The following GTPBP1 variants were observed in gnomAD, a reference collection of about 807,000 sequenced individuals.
GTPBP1 encodes the protein GTP-binding protein 1.
GTPBP1 carries 23 observed loss-of-function variants against 62.0 expected under a neutral mutation model. The ratio of observed to expected loss-of-function variants is 0.37; its 90% CI spans 0.27 to 0.53. GTPBP1 has a LOEUF of 0.53. Among genes scored for constraint, GTPBP1 ranks in the 20% least tolerant of loss-of-function variants. The pLI, the probability that GTPBP1 is intolerant of heterozygous loss-of-function variation, is 0.89. For synonymous variants in GTPBP1, 344 were observed against 364.4 expected, an observed-to-expected ratio of 0.94 and a Z score of 0.64; for missense variants, 640 against 917.3, an observed-to-expected ratio of 0.70 and a Z score of 3.90.
chr22:38,728,183 C>T (rs1474307361), intron 10 of GTPBP1, 22 bp downstream of exon 10: 6 of 1,587,216 alleles, frequency 3.8e-6, no homozygotes, highest in Admixed American at 1.7e-5. Flanking sequence ...ACAGACCTTG[C>T]CTGCCTCCAG....
In GTPBP1 at chr22:38,716,598, C is replaced by T; in HGVS notation, c.486-54C>T. 2 of 1,307,876 alleles carry T rather than the reference C, an allele frequency of 1.5e-6. No individual in the cohort carries two copies. Among genetic ancestry groups the T allele is most frequent in the Non-Finnish European group, 1.1e-6 (1 of 926,286 alleles). The allele number at this position is 1,307,876 out of a possible 1,614,324, so 81.0% of individuals were successfully genotyped here. A position where few individuals can be genotyped will look rare whatever the true frequency, so the allele number is the denominator to read the frequency against. On this transcript the variant is annotated intron_variant, in intron 3 of 11. Coordinates refer to ENST00000216044, the MANE Select transcript of GTPBP1 (RefSeq NM_004286.5). The surrounding 1 kb of genome is among the most constrained non-coding windows in gnomAD (Gnocchi z 5.2). ...ATTACTGGGGTTATGATGGTCGCTC[C>T]ACCTCACTCATTCACTAACTCTCAC...
Position 38,716,365 on chromosome 22 carries a change from G to T in GTPBP1, c.485+278G>T. ...GCCTGGAAACCAGGGTCATGGAGAA[G>T]AGCCTTTTGTGCCTCTGGTAGCCTT... On this transcript the variant is annotated intron_variant, in intron 3 of 11. Coordinates refer to ENST00000216044, the MANE Select transcript of GTPBP1 (RefSeq NM_004286.5). The surrounding 1 kb of genome is among the most constrained non-coding windows in gnomAD (Gnocchi z 5.2). 3.4e-6 allele frequency: 2 copies of T among 586,432 alleles called. No individual in the cohort carries two copies. Among genetic ancestry groups the T allele is most frequent in the Non-Finnish European group, 6.0e-6 (2 of 330,810 alleles). The allele number at this position is 586,432 out of a possible 1,614,324, so 36.3% of individuals were successfully genotyped here. A position where few individuals can be genotyped will look rare whatever the true frequency, so the allele number is the denominator to read the frequency against.
At position 38,726,855 on chromosome 22, in the gene GTPBP1, T is replaced by TAA. The variant is rs750108023; in HGVS notation, c.1402-356_1402-355dup. On this transcript the variant is annotated intron_variant, in intron 8 of 11. Coordinates refer to ENST00000216044, the MANE Select transcript of GTPBP1 (RefSeq NM_004286.5). This position sits in a 1 kb window ranked among gnomAD's most constrained non-coding sequence, Gnocchi z 4.1. ...GGGTCACCTACCTTTACCCACCAAC[T>TAA]AAATTAACCAGGAATAGTAGGACTT... is the stretch of plus-strand genomic sequence containing the variant. 4.9e-4 allele frequency among the ~76,000 whole-genome samples: 74 copies of TAA among 152,296 alleles called. No individual in the cohort carries two copies. Among genetic ancestry groups the TAA allele is most frequent in the South Asian group, 8.3e-4 (4 of 4,822 alleles).
rs529806114 is a variant in GTPBP1 at position 38,725,024 on chromosome 22, A to G, written c.1073+613A>G. On this transcript the variant is annotated intron_variant, in intron 6 of 11. Coordinates refer to ENST00000216044, the MANE Select transcript of GTPBP1 (RefSeq NM_004286.5). ...CTTGGTGAGAGATGCTCTCTCGATA[A>G]TGGTGAACTCTACTAACTCTGCCTG... Among the ~76,000 whole-genome samples, 7 of 152,268 alleles carry G rather than the reference A, an allele frequency of 4.6e-5. No individual in the cohort carries two copies. The East Asian group carries it at 5.8e-4, about 13-fold the overall frequency.
rs1332069260 is a variant in GTPBP1, at chr22:38,726,326, G to A, written c.1287G>A (p.Leu429=). Residue 429 remains leucine (L), a synonymous_variant, in exon 8 of 12, where the codon CTG becomes CTA. Coordinates refer to ENST00000216044, the MANE Select transcript of GTPBP1 (RefSeq NM_004286.5). The surrounding 1 kb of genome is among the most constrained non-coding windows in gnomAD (Gnocchi z 4.1). ...TCAAGCTGAATGACACGCTGCTGCT[G>A]GGCCCAGACCCCTTGGGTAACTTCC... ...GLIKLNDTLL[L]GPDPLGNFLS... is the part of the protein sequence containing the mutation. 6.2e-7 allele frequency: 1 copy of A among 1,614,106 alleles called. No individual in the cohort carries two copies. The highest frequency in any genetic ancestry group is 1.1e-5 in the South Asian group (1 of 91,078).
chr22:38,715,493 G>T (rs573213049), intron 2 of GTPBP1, among the ~76,000 whole-genome samples: 28 of 152,242 alleles, frequency 1.8e-4, no homozygotes, highest in African/African-American at 6.5e-4. Context: ...AACTGTCCTC[G>T]GCTTCCCCAG....
At chr22:38,713,776 A>G (rs2082370797) in intron 2 of GTPBP1, among the ~76,000 whole-genome samples, 1 of 152,192 alleles carries the variant, frequency 6.6e-6, no homozygotes, top group Admixed American at 6.5e-5. Flanking sequence ...CTTTATTAAC[A>G]TTGTTAGTGT....
At chr22:38,734,605 G>C, downstream of GTPBP1, 1 of 237,706 alleles carries the variant, frequency 4.2e-6, no homozygotes, top group Admixed American at 5.4e-5. Flanking sequence ...GCTGAAAGTT[G>C]TGGGTTTCTG....
intron 2 of GTPBP1, 108 bp downstream of exon 2, chr22:38,709,064 C>T: frequency 1.5e-6 from 1 of 658,454 alleles, no homozygotes; most frequent in Admixed American, 2.2e-5. Context: ...GGGTGGATCA[C>T]CTGAGGTCAG....
In GTPBP1 at chr22:38,727,411, C is replaced by G. The variant is rs1603197437; in HGVS notation, c.1537+63C>G. 7.0e-6 allele frequency: 10 copies of G among 1,433,864 alleles called. No individual in the cohort carries two copies. The East Asian group carries it at 2.6e-4, about 37-fold the overall frequency. The allele number at this position is 1,433,864 out of a possible 1,614,324, so 88.8% of individuals were successfully genotyped here. A position where few individuals can be genotyped will look rare whatever the true frequency, so the allele number is the denominator to read the frequency against. On this transcript the variant is annotated intron_variant, in intron 9 of 11. Transcript: ENST00000216044. This position sits in a 1 kb window ranked among gnomAD's most constrained non-coding sequence, Gnocchi z 6.5. ...GTGTTAGCTCCCCTCAGAAGGTGTT[C>G]CAGCAACCCAGGCCCCCTAGTTCCA...
downstream of GTPBP1, chr22:38,736,727 C>T (rs1242152287): frequency 2.1e-5 from 4 of 193,200 alleles, no homozygotes; most frequent in Non-Finnish European, 4.3e-5. Context: ...GCCCATCGGG[C>T]CTCTGTCTAG....
chr22:38,736,968 C>T (rs912214531), downstream of GTPBP1, among the ~76,000 whole-genome samples: 4 of 152,176 alleles, frequency 2.6e-5, no homozygotes, highest in Non-Finnish European at 5.9e-5. Context: ...CTTAGCCTCC[C>T]CAGTAGCTGG....
rs746199545 is a variant in GTPBP1, at chr22:38,716,029, C to T, written c.427C>T (p.Arg143Cys). Residue 143 changes from arginine to cysteine, a missense_variant, in exon 3 of 12, where the codon CGC becomes TGC. Physicochemically the swap from Arg to Cys is radical, Grantham distance 180. Transcript: ENST00000216044. The surrounding 1 kb of genome is among the most constrained non-coding windows in gnomAD (Gnocchi z 5.2). ...LLRERQEAGG[R>C]VRDYLVRKRV... ...GCGGGAACGGCAAGAAGCTGGGGGC[C>T]GCGTGCGTGATTACCTGGTCCGGAA... 22 of 1,613,752 alleles carry T rather than the reference C, an allele frequency of 1.4e-5. No homozygotes were observed. Among genetic ancestry groups the T allele is most frequent in the East Asian group, 4.5e-5 (2 of 44,878 alleles).
At chr22:38,717,789 G>T (rs2092678964) in intron 4 of GTPBP1, among the ~76,000 whole-genome samples, 1 of 152,152 alleles carries the variant, frequency 6.6e-6, no homozygotes, top group Non-Finnish European at 1.5e-5. Context: ...GAGGGGAGCG[G>T]CAAGGCCTGT....
downstream of GTPBP1, chr22:38,741,458 C>T: frequency 1.9e-6 from 3 of 1,605,006 alleles, no homozygotes; most frequent in Non-Finnish European, 2.6e-6. Flanking sequence ...GGGTCAGGAC[C>T]CAGTCACAGG....
chr22:38,715,352 A>C (rs538986857), intron 2 of GTPBP1, among the ~76,000 whole-genome samples: 7 of 152,088 alleles, frequency 4.6e-5, no homozygotes, highest in African/African-American at 1.7e-4. Context: ...TCCTCAACAC[A>C]CTGAGCTGCT....
At chr22:38,734,575 CCCA>C (rs1030491292), downstream of GTPBP1, 8 of 251,860 alleles carry the variant, frequency 3.2e-5, no homozygotes, top group African/African-American at 1.7e-4. Flanking sequence ...GGTCCCATCC[CCCA>C]CCACAACTGG....
At chr22:38,715,192 C>T (rs943474920) in intron 2 of GTPBP1, among the ~76,000 whole-genome samples, 1 of 152,222 alleles carries the variant, frequency 6.6e-6, no homozygotes. Context: ...GGAGATCTTT[C>T]TAACCCACAG....
At chr22:38,734,235 C>T (rs2092781757), downstream of GTPBP1, 14 of 454,168 alleles carry the variant, frequency 3.1e-5, no homozygotes, top group South Asian at 1.9e-4. Context: ...CGAACCAGGT[C>T]TGGGGAGCTA....
Sources: allele counts gnomAD v4.1 joint callset (sites outside exome capture counted in the v4.1 genomes callset), GRCh38; gene constraint gnomAD v4.1.1; non-coding constraint Gnocchi (gnomAD v3.1); transcripts MANE v1.5; gene names NCBI Gene and HGNC (gene_info 2026-07-23, HGNC 2026-07-21).